The following PABPC4L variants were observed in gnomAD, a reference collection of about 807,000 sequenced individuals.
The protein encoded by PABPC4L is polyadenylate-binding protein 4-like.
For missense variants in PABPC4L, 452 were observed against 451.4 expected, an observed-to-expected ratio of 1.00 and a Z score of -0.01; for synonymous variants, 169 against 164.1, an observed-to-expected ratio of 1.03 and a Z score of -0.23.
chr4:134,151,680 T>G, the PABPC4L span, among the ~76,000 whole-genome samples: 2 of 152,048 alleles, frequency 1.3e-5, no homozygotes, highest in African/African-American at 4.8e-5. Flanking sequence ...TAACTCAAAA[T>G]AAAGAGAATA....
the PABPC4L span, among the ~76,000 whole-genome samples, chr4:134,035,823 G>A: frequency 6.6e-6 from 1 of 151,938 alleles, no homozygotes; most frequent in Non-Finnish European, 1.5e-5. Context: ...ATGTTTTTAT[G>A]CACCTTCATT....
the PABPC4L span, among the ~76,000 whole-genome samples, chr4:134,158,612 T>A: frequency 6.6e-6 from 1 of 152,274 alleles, no homozygotes; most frequent in Admixed American, 6.5e-5. Context: ...ATTTGCTTTA[T>A]AAGTGACTTG....
At chr4:134,047,559 T>G in the PABPC4L span, among the ~76,000 whole-genome samples, 1 of 152,336 alleles carries the variant, frequency 6.6e-6, no homozygotes, top group East Asian at 1.9e-4. Flanking sequence ...TGTCACAGTT[T>G]ACTTTATCAA....
the PABPC4L span, among the ~76,000 whole-genome samples, chr4:134,126,082 G>A: frequency 6.6e-6 from 1 of 152,116 alleles, no homozygotes; most frequent in Non-Finnish European, 1.5e-5. Flanking sequence ...TAAGTAAATT[G>A]ATAACATTAC....
At chr4:134,082,264 A>T in the PABPC4L span, among the ~76,000 whole-genome samples, 1 of 151,988 alleles carries the variant, frequency 6.6e-6, no homozygotes, top group Non-Finnish European at 1.5e-5. Context: ...CTTTGTTTTT[A>T]TTTCTGTATC....
the PABPC4L span, among the ~76,000 whole-genome samples, chr4:133,968,287 G>C: frequency 2.0e-5 from 3 of 152,138 alleles, no homozygotes; most frequent in Admixed American, 2.0e-4. Flanking sequence ...GGAGGTCTTA[G>C]AATAATCTCA....
At chr4:134,029,244 T>C in the PABPC4L span, among the ~76,000 whole-genome samples, 1 of 152,086 alleles carries the variant, frequency 6.6e-6, no homozygotes, top group Non-Finnish European at 1.5e-5. Context: ...CGACCTTTAC[T>C]GTACTAGGCC....
downstream of PABPC4L, among the ~76,000 whole-genome samples, chr4:134,192,122 T>C (rs1729527142): frequency 6.6e-6 from 1 of 152,062 alleles, no homozygotes; most frequent in African/African-American, 2.4e-5. Flanking sequence ...ATTCCAAATG[T>C]CCATCAAGTG....
At chr4:134,189,729 A>G in the PABPC4L span, among the ~76,000 whole-genome samples, 1 of 151,846 alleles carries the variant, frequency 6.6e-6, no homozygotes, top group Admixed American at 6.6e-5. Context: ...TGCACTATGA[A>G]CTTCATAAAT....
At chr4:134,153,566 G>T in the PABPC4L span, among the ~76,000 whole-genome samples, 1 of 151,884 alleles carries the variant, frequency 6.6e-6, no homozygotes, top group African/African-American at 2.4e-5. Flanking sequence ...TTAGCTAAAG[G>T]CCGTATACTT....
the PABPC4L span, among the ~76,000 whole-genome samples, chr4:134,068,678 A>G: frequency 3.3e-5 from 5 of 150,130 alleles, no homozygotes; most frequent in African/African-American, 1.2e-4. Context: ...ATATTTCTAT[A>G]TTTAGCACTC....
chr4:134,175,997 C>T, the PABPC4L span, among the ~76,000 whole-genome samples: 1 of 152,168 alleles, frequency 6.6e-6, no homozygotes, highest in East Asian at 1.9e-4. Context: ...GATGTTTAAG[C>T]TAAGGATAAA....
At chr4:134,118,119 G>T in the PABPC4L span, among the ~76,000 whole-genome samples, 1 of 151,746 alleles carries the variant, frequency 6.6e-6, no homozygotes, top group East Asian at 1.9e-4. Context: ...TCTCTGCCAT[G>T]AGTAATAAAC....
chr4:133,970,446 C>A, the PABPC4L span, among the ~76,000 whole-genome samples: 1 of 152,164 alleles, frequency 6.6e-6, no homozygotes, highest in African/African-American at 2.4e-5. Context: ...GCTAAAGCAT[C>A]CCCTCTGAGC....
the PABPC4L span, among the ~76,000 whole-genome samples, chr4:134,180,578 C>T: frequency 2.6e-5 from 4 of 151,564 alleles, no homozygotes; most frequent in East Asian, 7.7e-4. Context: ...TACAAGAGAT[C>T]AGTGAATCTA....
chr4:134,141,579 C>G, the PABPC4L span, among the ~76,000 whole-genome samples: 1 of 150,690 alleles, frequency 6.6e-6, no homozygotes, highest in African/African-American at 2.4e-5. Flanking sequence ...CAATTAATGT[C>G]TTGTTATTGT....
chr4:134,014,496 T>A, the PABPC4L span, among the ~76,000 whole-genome samples: 1 of 152,260 alleles, frequency 6.6e-6, no homozygotes, highest in Non-Finnish European at 1.5e-5. Context: ...CAGCCCAGGA[T>A]TCCTCCTAAG....
the PABPC4L span, among the ~76,000 whole-genome samples, chr4:134,152,817 T>C: frequency 6.6e-6 from 1 of 152,146 alleles, no homozygotes; most frequent in Non-Finnish European, 1.5e-5. Context: ...CTCCAGTATG[T>C]ACAAGAAGCA....
the PABPC4L span, among the ~76,000 whole-genome samples, chr4:134,083,519 G>A: frequency 7.2e-5 from 11 of 152,226 alleles, no homozygotes; most frequent in African/African-American, 2.6e-4. Flanking sequence ...CAGAAACCAG[G>A]CAGGGACATT....
Sources: gnomAD v4.1 joint callset for allele counts (sites outside exome capture counted in the v4.1 genomes callset) on GRCh38, gnomAD v4.1.1 for gene constraint, MANE v1.5 for transcripts, NCBI Gene and HGNC (gene_info 2026-07-23, HGNC 2026-07-21) for gene names.